Variants in RASEF observed in about 807,000 individuals in gnomAD.
RASEF encodes ras and EF-hand domain-containing protein.
Under a neutral mutation model 90.1 loss-of-function variants are expected in RASEF, and 68 were observed. That is an observed-to-expected ratio of 0.75 (90% CI 0.62 to 0.92). The LOEUF is 0.92. Ranked by LOEUF, RASEF falls within the 40% of genes least tolerant of loss-of-function variation. The pLI is 0.00. For synonymous variants in RASEF, 331 were observed against 345.2 expected (o/e 0.96, Z 0.46); for missense variants, 949 against 937.2 (o/e 1.01, Z -0.16).
At chr9:83,130,348 C>T in the RASEF span, among the ~76,000 whole-genome samples, 2 of 152,134 alleles carry the variant, frequency 1.3e-5, no homozygotes, top group African/African-American at 4.8e-5. Flanking sequence ...TGTTCATAGC[C>T]TCCCCAATTA....
the RASEF span, among the ~76,000 whole-genome samples, chr9:83,103,487 A>G: frequency 6.6e-6 from 1 of 152,168 alleles, no homozygotes. Context: ...CAAAAAAGTG[A>G]AAGGGACTGA....
At chr9:83,027,565 A>G (rs1829570330) in intron 1 of RASEF, among the ~76,000 whole-genome samples, 1 of 152,190 alleles carries the variant, frequency 6.6e-6, no homozygotes, top group South Asian at 2.1e-4. Context: ...TTTATTTGTG[A>G]CAGTCCTCAT....
chr9:83,112,955 T>C, the RASEF span, among the ~76,000 whole-genome samples: 1 of 152,322 alleles, frequency 6.6e-6, no homozygotes, highest in East Asian at 1.9e-4. Flanking sequence ...ATTCTGTAGA[T>C]TCTAATTTAA....
intron 2 of RASEF, 77 bp from the exon 3 acceptor site, chr9:83,022,503 A>G: frequency 2.0e-6 from 2 of 1,022,656 alleles, no homozygotes; most frequent in South Asian, 2.5e-5. Flanking sequence ...AGATTCATCT[A>G]CGTTAAGCCC....
chr9:83,188,581 C>T, the RASEF span, among the ~76,000 whole-genome samples: 1 of 152,152 alleles, frequency 6.6e-6, no homozygotes, highest in African/African-American at 2.4e-5. Context: ...GACAATGTAC[C>T]ATTAAAAGGC....
At chr9:83,027,928 C>T (rs1587506344) in intron 1 of RASEF, among the ~76,000 whole-genome samples, 1 of 152,196 alleles carries the variant, frequency 6.6e-6, no homozygotes, top group Non-Finnish European at 1.5e-5. Context: ...TCAGAGACTG[C>T]AATCTGGCCT....
chr9:83,032,742 C>T (rs1242415184), intron 1 of RASEF, among the ~76,000 whole-genome samples: 1 of 151,994 alleles, frequency 6.6e-6, no homozygotes, highest in African/African-American at 2.4e-5. Context: ...GCAAATATTC[C>T]CATTGAAGCT....
chr9:83,210,492 T>C, the RASEF span, among the ~76,000 whole-genome samples: 4 of 152,166 alleles, frequency 2.6e-5, no homozygotes, highest in African/African-American at 7.2e-5. Flanking sequence ...CCTGTCTCCA[T>C]TGCACCACAG....
chr9:83,073,999 C>T, the RASEF span, among the ~76,000 whole-genome samples: 1 of 152,110 alleles, frequency 6.6e-6, no homozygotes, highest in African/African-American at 2.4e-5. Context: ...ATAATGTATA[C>T]CTCACTTTAA....
intron 5 of RASEF, among the ~76,000 whole-genome samples, chr9:83,011,601 T>G (rs1259246627): frequency 7.8e-6 from 1 of 128,646 alleles, no homozygotes; most frequent in Admixed American, 7.7e-5. Flanking sequence ...ACTCCAAAAT[T>G]AATATTTTCA....
intron 3 of RASEF, among the ~76,000 whole-genome samples, chr9:83,016,479 A>T (rs1329785417): frequency 6.6e-6 from 1 of 151,244 alleles, no homozygotes; most frequent in African/African-American, 2.4e-5. Context: ...ACTGGCTGAA[A>T]CATCTCTAAA....
At chr9:83,196,356 A>G in the RASEF span, among the ~76,000 whole-genome samples, 1 of 152,092 alleles carries the variant, frequency 6.6e-6, no homozygotes, top group Admixed American at 6.5e-5. Flanking sequence ...GCTGTCATGT[A>G]GGTCTTAGAA....
chr9:83,137,003 A>G, the RASEF span, among the ~76,000 whole-genome samples: 1 of 152,136 alleles, frequency 6.6e-6, no homozygotes, highest in Non-Finnish European at 1.5e-5. Context: ...CAAACATTCT[A>G]TCCTTTGTCA....
In RASEF at chr9:83,058,169, T is replaced by C. The variant is rs1020399639; in HGVS notation, c.431+4268A>G. Among the ~76,000 whole-genome samples, 56 of 138,616 alleles carry C rather than the reference T, an allele frequency of 4.0e-4. 1 individual carries two copies. Among genetic ancestry groups the C allele is most frequent in the African/African-American group, 1.5e-3 (56 of 36,546 alleles). 90.9% of individuals were successfully genotyped at this position (138,616 alleles called of 152,430 possible). Reference sequence around the variant, plus strand: ...CTCCGGCTCACTCCTGATGTATTTATGTCTTTTTTTTTTTTTTTTTTTTTT... The same window carrying C: ...CTCCGGCTCACTCCTGATGTATTTACGTCTTTTTTTTTTTTTTTTTTTTTT... On this transcript the variant is annotated intron_variant, in intron 1 of 16. Transcript: ENST00000376447.
intron 13 of RASEF, among the ~76,000 whole-genome samples, 196 bp downstream of exon 13, chr9:82,998,169 T>C (rs1026140181): frequency 2.6e-5 from 4 of 152,172 alleles, no homozygotes; most frequent in African/African-American, 9.7e-5. Context: ...ACAGGAGTCA[T>C]AGGTAAATGA....
the RASEF span, among the ~76,000 whole-genome samples, chr9:83,116,675 T>A: frequency 6.6e-6 from 1 of 152,210 alleles, no homozygotes; most frequent in Non-Finnish European, 1.5e-5. Flanking sequence ...CCACACTTTA[T>A]AAATAAGTTA....
chr9:83,038,255 T>C (rs1305923739), intron 1 of RASEF, among the ~76,000 whole-genome samples: 1 of 152,112 alleles, frequency 6.6e-6, no homozygotes, highest in East Asian at 1.9e-4. Context: ...GACTGAATTA[T>C]TCACATATGT....
chr9:83,214,512 G>T, the RASEF span, among the ~76,000 whole-genome samples: 1 of 152,126 alleles, frequency 6.6e-6, no homozygotes, highest in Non-Finnish European at 1.5e-5. Flanking sequence ...TGTCCCTTTA[G>T]GTAAATGACT....
At chr9:83,122,371 T>C in the RASEF span, among the ~76,000 whole-genome samples, 2 of 152,192 alleles carry the variant, frequency 1.3e-5, no homozygotes, top group East Asian at 3.9e-4. Context: ...ACTAATAACA[T>C]AATGGGTGAG....
Sources: gnomAD v4.1 joint callset for allele counts (sites outside exome capture counted in the v4.1 genomes callset) on GRCh38, gnomAD v4.1.1 for gene constraint, MANE v1.5 for transcripts, NCBI Gene and HGNC (gene_info 2026-07-23, HGNC 2026-07-21) for gene names.